The following ZFAND3 variants were observed in gnomAD, a reference collection of about 807,000 sequenced individuals.
The protein encoded by ZFAND3 is AN1-type zinc finger protein 3.
ZFAND3 carries 10 observed loss-of-function variants against 29.6 expected under a neutral mutation model. The observed-to-expected ratio is 0.34, with a 90% CI of 0.21 to 0.57. The LOEUF is 0.57. Ranked by LOEUF, ZFAND3 falls within the 20% of genes least tolerant of loss-of-function variation. ZFAND3 has a pLI of 0.86. For synonymous variants in ZFAND3, 128 were observed against 112.6 expected (o/e 1.14, Z -0.87); for missense variants, 230 against 304.5 (o/e 0.76, Z 1.82).
intron 2 of ZFAND3, among the ~76,000 whole-genome samples, chr6:37,970,777 C>A (rs1010892601): frequency 6.6e-6 from 1 of 151,988 alleles, no homozygotes; most frequent in Non-Finnish European, 1.5e-5. Flanking sequence ...TGGTGGCGGG[C>A]GCCTGTAGTC....
intron 3 of ZFAND3, among the ~76,000 whole-genome samples, chr6:38,080,703 A>C (rs1463433154): frequency 1.3e-5 from 2 of 152,188 alleles, no homozygotes; most frequent in Non-Finnish European, 2.9e-5. Context: ...GGCTTCAGTT[A>C]ACAAAAACAA....
At chr6:38,048,617 G>C (rs1277786024) in intron 2 of ZFAND3, among the ~76,000 whole-genome samples, 7 of 658 alleles carry the variant, frequency 0.011, no homozygotes, top group Non-Finnish European at 0.02. Flanking sequence ...GTGAGACTCC[G>C]TCTCAAAAAA....
At chr6:38,006,951 C>G (rs1002954723) in intron 2 of ZFAND3, among the ~76,000 whole-genome samples, 4 of 152,128 alleles carry the variant, frequency 2.6e-5, no homozygotes, top group Non-Finnish European at 5.9e-5. Flanking sequence ...CACACATACT[C>G]TGTTTAGCAT....
In ZFAND3 at chr6:38,154,373, T is replaced by TGG. The variant is rs139728330; in HGVS notation, c.*1991_*1992dup. ...CCATGTTCGCTTCCTGACTTAGAGC[T>TGG]GGGGGGGGTGGGGGGTGGGGCTTGT... On this transcript the variant is annotated 3_prime_UTR_variant, in exon 6 of 6. Coordinates refer to ENST00000287218, the MANE Select transcript of ZFAND3 (RefSeq NM_021943.3). 153 of 375,020 alleles carry TGG rather than the reference T, an allele frequency of 4.1e-4. 1 individual carries two copies. Among genetic ancestry groups the TGG allele is most frequent in the African/African-American group, 2.9e-3 (120 of 41,280 alleles). The allele number at this position is 375,020 out of a possible 1,614,324, so 23.2% of individuals were successfully genotyped here. A position where few individuals can be genotyped will look rare whatever the true frequency, so the allele number is the denominator to read the frequency against.
chr6:37,939,997 G>A (rs1761783813), intron 2 of ZFAND3, among the ~76,000 whole-genome samples: 1 of 152,124 alleles, frequency 6.6e-6, no homozygotes, highest in Non-Finnish European at 1.5e-5. Context: ...CTGAGATTGT[G>A]CCACTGCACT....
At chr6:38,099,148 A>C (rs1765043002) in intron 4 of ZFAND3, among the ~76,000 whole-genome samples, 1 of 152,184 alleles carries the variant, frequency 6.6e-6, no homozygotes, top group Admixed American at 6.5e-5. Context: ...ACAGAGGGTT[A>C]ATAGTTTCTT....
chr6:38,041,406 G>A (rs947595381), intron 2 of ZFAND3, among the ~76,000 whole-genome samples: 1 of 151,674 alleles, frequency 6.6e-6, no homozygotes, highest in Non-Finnish European at 1.5e-5. Context: ...AATTTCTTCT[G>A]TGTTTATTAG....
intron 3 of ZFAND3, among the ~76,000 whole-genome samples, 187 bp downstream of exon 3, chr6:38,061,962 T>A (rs1416782452): frequency 1.3e-5 from 2 of 152,256 alleles, no homozygotes; most frequent in African/African-American, 2.4e-5. Context: ...TAGCCTTTTA[T>A]ACCGTCAAAG....
rs57353553 is a variant in ZFAND3 at position 38,034,779 on chromosome 6, G to GAATGGTATTT, written c.113-26812_113-26803dup. On this transcript the variant is annotated intron_variant, in intron 2 of 5. Coordinates refer to ENST00000287218, the MANE Select transcript of ZFAND3 (RefSeq NM_021943.3). Reference sequence around the variant, plus strand: ...CAGCAGGAATTGTAGCTTGTTCATTGAATGGTATTTATTTTCCCATAGGCC... The same window carrying GAATGGTATTT: ...CAGCAGGAATTGTAGCTTGTTCATTGAATGGTATTTAATGGTATTTATTTTCCCATAGGCC... Among the ~76,000 whole-genome samples the GAATGGTATTT allele has an allele frequency of 0.017, 2,575 of 152,210 alleles. 246 individuals carry two copies. The East Asian group carries it at 0.28, about 16-fold the overall frequency.
At chr6:38,033,341 AG>A (rs745772552) in intron 2 of ZFAND3, among the ~76,000 whole-genome samples, 4 of 152,198 alleles carry the variant, frequency 2.6e-5, no homozygotes, top group Non-Finnish European at 5.9e-5. Context: ...TTTTTAAAAA[AG>A]GAAATTTTGC....
intron 5 of ZFAND3, among the ~76,000 whole-genome samples, chr6:38,125,093 T>G (rs533813194): frequency 6.6e-6 from 1 of 152,216 alleles, no homozygotes; most frequent in African/African-American, 2.4e-5. Flanking sequence ...ATTATATATG[T>G]GAGAGCTAAG....
At chr6:37,993,851 T>C (rs1416178821) in intron 2 of ZFAND3, among the ~76,000 whole-genome samples, 1 of 152,162 alleles carries the variant, frequency 6.6e-6, no homozygotes, top group Non-Finnish European at 1.5e-5. Context: ...TACAACACAG[T>C]AGTATTTTTG....
Position 37,981,473 on chromosome 6 carries a change from G to A in ZFAND3, c.112+51474G>A, listed in dbSNP as rs571394317. ...CAGCTTCATGTCTGTGACCACTGTAGTGAGATCTTAGGGTATTGTGATTTT... is the reference window on the plus strand; with the variant it reads ...CAGCTTCATGTCTGTGACCACTGTAATGAGATCTTAGGGTATTGTGATTTT... On this transcript the variant is annotated intron_variant, in intron 2 of 5. Coordinates refer to ENST00000287218, the MANE Select transcript of ZFAND3 (RefSeq NM_021943.3). Among the ~76,000 whole-genome samples the A allele has an allele frequency of 3.1e-3, 468 of 152,306 alleles. 3 individuals are homozygous for A. The highest frequency in any genetic ancestry group is 0.011 in the African/African-American group (444 of 41,556).
At position 37,930,014 on chromosome 6, in the gene ZFAND3, A is replaced by G; in HGVS notation, c.112+15A>G. The G allele has an allele frequency of 6.4e-7, 1 of 1,566,712 alleles. No homozygotes were observed. The highest frequency in any genetic ancestry group is 8.6e-7 in the Non-Finnish European group (1 of 1,159,206). ...ATGCTTTGCTGGTAAGTGCAGAAAA[A>G]GGGTTTTTTAATTTACTTTCATTTT... On this transcript the variant is annotated intron_variant, in intron 2 of 5. Coordinates refer to ENST00000287218, the MANE Select transcript of ZFAND3 (RefSeq NM_021943.3).
chr6:37,843,121 CA>C (rs34684980), intron 1 of ZFAND3, among the ~76,000 whole-genome samples: 2,823 of 70,320 alleles, frequency 0.04, 66 homozygotes, highest in African/African-American at 0.12. Context: ...AACTGTTTCA[CA>C]AAAAAAAAAA....
intron 2 of ZFAND3, among the ~76,000 whole-genome samples, chr6:37,933,049 A>T (rs1424549046): frequency 6.6e-6 from 1 of 152,224 alleles, no homozygotes; most frequent in Non-Finnish European, 1.5e-5. Context: ...TATGAACATA[A>T]GGAGAGTATA....
intron 1 of ZFAND3, among the ~76,000 whole-genome samples, chr6:37,831,542 C>T (rs565632249): frequency 2.6e-5 from 4 of 152,290 alleles, no homozygotes; most frequent in South Asian, 2.1e-4. Flanking sequence ...AAACAGTGTT[C>T]GAGAAGTGCT....
rs549147759 is a variant in ZFAND3, at chr6:37,839,240, G to A, written c.71+19224G>A. On this transcript the variant is annotated intron_variant, in intron 1 of 5. Transcript: ENST00000287218. Reference sequence around the variant, plus strand: ...CTGTCGCCCAGGCTGGAGTGCAGTGGCGCGATCTCAGCTCACTGCAACCTC... The same window carrying A: ...CTGTCGCCCAGGCTGGAGTGCAGTGACGCGATCTCAGCTCACTGCAACCTC... Among the ~76,000 whole-genome samples the A allele has an allele frequency of 5.9e-5, 9 of 151,850 alleles. No homozygotes were observed. In the South Asian group the frequency reaches 1.9e-3, roughly 32 times the overall value.
intron 4 of ZFAND3, among the ~76,000 whole-genome samples, chr6:38,106,419 G>A (rs1765210754): frequency 6.6e-6 from 1 of 152,104 alleles, no homozygotes; most frequent in African/African-American, 2.4e-5. Flanking sequence ...CAAAGTGCCG[G>A]GATTACAGGT....
Sources: gnomAD v4.1 joint callset for allele counts (sites outside exome capture counted in the v4.1 genomes callset) on GRCh38, gnomAD v4.1.1 for gene constraint, MANE v1.5 for transcripts, NCBI Gene and HGNC (gene_info 2026-07-23, HGNC 2026-07-21) for gene names.